Variants in GSDME observed in about 807,000 individuals in gnomAD.
GSDME encodes the protein gasdermin E.
In GSDME, 44 loss-of-function variants were observed where a neutral mutation model predicts 47.5. That is an observed-to-expected ratio of 0.93 (90% CI 0.73 to 1.19). The LOEUF (loss-of-function observed/expected upper bound fraction) is 1.19, where lower values mean the gene tolerates loss of function less well. GSDME is among the 50% of genes most tolerant of loss of function. The pLI is 0.00. For missense variants in GSDME, 663 were observed against 604.2 expected, an observed-to-expected ratio of 1.10 and a Z score of -1.02; for synonymous variants, 258 against 252.8, an observed-to-expected ratio of 1.02 and a Z score of -0.20.
chr7:24,777,064 C>T, the GSDME span, among the ~76,000 whole-genome samples: 3 of 151,750 alleles, frequency 2.0e-5, no homozygotes, highest in Admixed American at 2.0e-4. Flanking sequence ...TTCTCTATTT[C>T]TAAAAGTAAC....
intron 5 of GSDME, 200 bp downstream of exon 5, chr7:24,717,054 G>A: frequency 1.6e-6 from 1 of 621,516 alleles, no homozygotes; most frequent in Admixed American, 2.7e-5. Context: ...ATTGCTCCAG[G>A]CATCCCTCAC....
intron 2 of GSDME, among the ~76,000 whole-genome samples, chr7:24,748,679 CTCTT>C (rs1301586711): frequency 2.0e-5 from 3 of 152,210 alleles, no homozygotes; most frequent in Admixed American, 6.5e-5. Context: ...ACTCCTCCTT[CTCTT>C]TCTTTTGCAC....
chr7:24,726,668 A>G lies in GSDME; in HGVS notation c.405-7450T>C, dbSNP rs1156400502. Reference sequence around the variant, plus strand: ...GAAACCCCGTCTCTACTAAAAATACAAAAAATCAGCCCGGCATAGTCCTGG... The same window carrying G: ...GAAACCCCGTCTCTACTAAAAATACGAAAAATCAGCCCGGCATAGTCCTGG... On this transcript the variant is annotated intron_variant, in intron 3 of 9. Transcript: ENST00000645220. The surrounding 1 kb of genome is among the most constrained non-coding windows in gnomAD (Gnocchi z 5.6). 2.0e-5 allele frequency among the ~76,000 whole-genome samples: 3 copies of G among 152,120 alleles called. No homozygotes were observed. The highest frequency in any genetic ancestry group is 7.2e-5 in the African/African-American group (3 of 41,418).
chr7:24,723,449 C>T (rs968977663), intron 3 of GSDME, among the ~76,000 whole-genome samples: 2 of 152,138 alleles, frequency 1.3e-5, no homozygotes, highest in South Asian at 2.1e-4. Flanking sequence ...CCCCTGTGCC[C>T]GCCTAGTGCA....
the GSDME span, among the ~76,000 whole-genome samples, chr7:24,770,450 A>G: frequency 0.037 from 5,584 of 152,272 alleles, 355 homozygotes; most frequent in African/African-American, 0.13. This position sits in a 1 kb window ranked among gnomAD's most constrained non-coding sequence, Gnocchi z 4.6. Context: ...CTGAGGAGAA[A>G]GTCGTGAGAA....
Position 24,739,634 on chromosome 7 carries a change from AC to A in GSDME, c.404+4927del, listed in dbSNP as rs1790422658. ...CCAGCATTCCAACTGCTGGATATGT[AC>A]CCAAAAGAAAGGAAATCAGTATACT... On this transcript the variant is annotated intron_variant, in intron 3 of 9. Coordinates refer to ENST00000645220, the MANE Select transcript of GSDME (RefSeq NM_001127453.2). This position sits in a 1 kb window ranked among gnomAD's most constrained non-coding sequence, Gnocchi z 5.1. Among the ~76,000 whole-genome samples, 1 of 152,248 alleles carries A rather than the reference AC, an allele frequency of 6.6e-6. No individual in the cohort carries two copies. The highest frequency in any genetic ancestry group is 6.5e-5 in the Admixed American group (1 of 15,292).
intron 2 of GSDME, among the ~76,000 whole-genome samples, chr7:24,747,666 A>T (rs1397875405): frequency 6.7e-6 from 1 of 149,334 alleles, no homozygotes; most frequent in Non-Finnish European, 1.5e-5. Flanking sequence ...CTTACTTATT[A>T]ATCATTTTTT....
At chr7:24,791,165 G>T in the GSDME span, among the ~76,000 whole-genome samples, 2 of 152,068 alleles carry the variant, frequency 1.3e-5, no homozygotes, top group Admixed American at 1.3e-4. The surrounding 1 kb of genome is among the most constrained non-coding windows in gnomAD (Gnocchi z 4.8). Context: ...CACTGTGGGA[G>T]TGGTCAAGAC....
At chr7:24,772,973 G>A in the GSDME span, among the ~76,000 whole-genome samples, 1 of 152,272 alleles carries the variant, frequency 6.6e-6, no homozygotes, top group East Asian at 1.9e-4. This position sits in a 1 kb window ranked among gnomAD's most constrained non-coding sequence, Gnocchi z 4.5. Flanking sequence ...AAGGACCTAT[G>A]GGGTTGGGGT....
Position 24,743,066 on chromosome 7 carries a change from A to T in GSDME, c.404+1496T>A, listed in dbSNP as rs1054408718. On this transcript the variant is annotated intron_variant, in intron 3 of 9. Transcript: ENST00000645220. ...TCTTGGAGTCCTAGAAAGTGCCCGT[A>T]GGCAGTAAACGCACAGCCATGGTCC... 3.3e-5 allele frequency among the ~76,000 whole-genome samples: 5 copies of T among 152,320 alleles called. No individual in the cohort carries two copies. The East Asian group carries it at 7.7e-4, about 24-fold the overall frequency.
At chr7:24,774,247 C>CCCTT in the GSDME span, among the ~76,000 whole-genome samples, 237 of 34,460 alleles carry the variant, frequency 6.9e-3, 1 homozygote, top group African/African-American at 0.044. Context: ...TCTTCCCTCT[C>CCCTT]CCTCCCTCCC....
chr7:24,775,736 G>A, the GSDME span, among the ~76,000 whole-genome samples: 1 of 151,948 alleles, frequency 6.6e-6, no homozygotes, highest in African/African-American at 2.4e-5. Flanking sequence ...TTAGCTGGGC[G>A]TGGTGGCGGG....
At chr7:24,703,087 T>G in intron 8 of GSDME, 1 of 398,786 alleles carries the variant, frequency 2.5e-6, no homozygotes, top group South Asian at 2.1e-5. Flanking sequence ...ATTTACCAAA[T>G]GGAAAGAACT....
At chr7:24,785,301 C>T in the GSDME span, among the ~76,000 whole-genome samples, 13 of 152,158 alleles carry the variant, frequency 8.5e-5, no homozygotes, top group African/African-American at 3.1e-4. Context: ...AGCACTGTAC[C>T]TTGAGTTGCA....
chr7:24,702,260 C>T (rs1788899522), intron 9 of GSDME, among the ~76,000 whole-genome samples: 1 of 152,198 alleles, frequency 6.6e-6, no homozygotes, highest in Non-Finnish European at 1.5e-5. Flanking sequence ...AACTCATGCT[C>T]TTAGAATGAC....
At chr7:24,761,755 T>G (rs1017295175), upstream of GSDME, among the ~76,000 whole-genome samples, 2 of 152,188 alleles carry the variant, frequency 1.3e-5, no homozygotes, top group African/African-American at 4.8e-5. The surrounding 1 kb of genome is among the most constrained non-coding windows in gnomAD (Gnocchi z 4.4). Flanking sequence ...TAGTGGAGGC[T>G]CAGGGCTCCA....
the GSDME span, among the ~76,000 whole-genome samples, chr7:24,793,538 T>C: frequency 6.6e-6 from 1 of 152,212 alleles, no homozygotes; most frequent in Non-Finnish European, 1.5e-5. Flanking sequence ...ATATAAACTG[T>C]TCCTTCAACA....
rs1789400496 is a variant in GSDME at position 24,712,670 on chromosome 7, T to A, written c.698-2282A>T. Among the ~76,000 whole-genome samples, 1 of 152,086 alleles carries A rather than the reference T, an allele frequency of 6.6e-6. No homozygotes were observed. The highest frequency in any genetic ancestry group is 1.5e-5 in the Non-Finnish European group (1 of 68,016). On this transcript the variant is annotated intron_variant, in intron 5 of 9. Transcript: ENST00000645220. This position sits in a 1 kb window ranked among gnomAD's most constrained non-coding sequence, Gnocchi z 4.4. ...CAGCGGGTGGAGGGGAGGAAAAACATCTTTCCTTCTGCTCATCCTAGGTTC... is the reference window on the plus strand; with the variant it reads ...CAGCGGGTGGAGGGGAGGAAAAACAACTTTCCTTCTGCTCATCCTAGGTTC...
At position 24,714,860 on chromosome 7, in the gene GSDME, C is replaced by T. The variant is rs575565388; in HGVS notation, c.697+2394G>A. 4.6e-5 allele frequency among the ~76,000 whole-genome samples: 7 copies of T among 152,288 alleles called. No homozygotes were observed. The South Asian group carries it at 1.2e-3, about 27-fold the overall frequency. ...CCTGGGTCCCCGCCACCGAAGGGTC[C>T]GCAGAGCACTCCTGGGCATCCTCAG... On this transcript the variant is annotated intron_variant, in intron 5 of 9. Transcript: ENST00000645220. The surrounding 1 kb of genome is among the most constrained non-coding windows in gnomAD (Gnocchi z 5.0).
Sources: gnomAD v4.1 joint callset for allele counts (sites outside exome capture counted in the v4.1 genomes callset) on GRCh38, gnomAD v4.1.1 for gene constraint, Gnocchi (gnomAD v3.1) non-coding constraint, MANE v1.5 for transcripts, NCBI Gene and HGNC (gene_info 2026-07-23, HGNC 2026-07-21) for gene names.